The following DLG2 variants were observed in gnomAD, a reference collection of about 807,000 sequenced individuals.
The protein encoded by DLG2 is discs large MAGUK scaffold protein 2.
A neutral mutation model predicts 132.5 loss-of-function variants in DLG2; 45 were observed. That is an observed-to-expected ratio of 0.34 (90% CI 0.27 to 0.44). The LOEUF is 0.44. Among genes scored for constraint, DLG2 ranks in the 20% least tolerant of loss-of-function variants. DLG2 has a pLI of 1.00. For synonymous variants in DLG2, 424 were observed against 419.6 expected (o/e 1.01, Z -0.13); for missense variants, 1,045 against 1,196.9 (o/e 0.87, Z 1.87).
intron 21 of DLG2, among the ~76,000 whole-genome samples, chr11:83,507,790 A>G (rs1055257316): frequency 3.8e-5 from 4 of 105,196 alleles, no homozygotes; most frequent in East Asian, 2.6e-4. Context: ...ATATATATAT[A>G]TATATATATG....
At chr11:84,543,636 C>T (rs1053407051) in intron 6 of DLG2, among the ~76,000 whole-genome samples, 2 of 152,088 alleles carry the variant, frequency 1.3e-5, no homozygotes, top group Admixed American at 1.3e-4. Flanking sequence ...TAAGTAAGTA[C>T]TTTGCAGCCA....
intron 15 of DLG2, among the ~76,000 whole-genome samples, chr11:83,893,484 T>A (rs544988075): frequency 6.6e-6 from 1 of 152,210 alleles, no homozygotes; most frequent in African/African-American, 2.4e-5. Context: ...TCTGCATTCA[T>A]TGATTGCTTT....
At position 84,288,637 on chromosome 11, in the gene DLG2, A is replaced by T. The variant is rs540973887; in HGVS notation, c.520-37346T>A. On this transcript the variant is annotated intron_variant, in intron 7 of 27. Coordinates refer to ENST00000376104, the MANE Select transcript of DLG2 (RefSeq NM_001142699.3). The stretch of plus-strand genomic sequence containing the variant: ...ATGAGATCTAGGTCTATTCACCCCC[A>T]AATGAAATTGCATAGAGAATGCTAA... 2.9e-4 allele frequency among the ~76,000 whole-genome samples: 44 copies of T among 152,236 alleles called. No individual in the cohort carries two copies. The South Asian group carries it at 8.5e-3, about 29-fold the overall frequency.
intron 12 of DLG2, among the ~76,000 whole-genome samples, chr11:83,979,714 C>A (rs1237839642): frequency 6.6e-6 from 1 of 152,090 alleles, no homozygotes; most frequent in African/African-American, 2.4e-5. Context: ...ACACATGTAG[C>A]AGAACTCAGA....
chr11:84,221,186 T>C (rs2096910985), intron 8 of DLG2, among the ~76,000 whole-genome samples: 1 of 151,816 alleles, frequency 6.6e-6, no homozygotes, highest in Non-Finnish European at 1.5e-5. Flanking sequence ...AAATTTAATG[T>C]TAGGCTGGGC....
At chr11:83,835,584 T>C (rs1356450000) in intron 16 of DLG2, among the ~76,000 whole-genome samples, 1 of 152,090 alleles carries the variant, frequency 6.6e-6, no homozygotes, top group Non-Finnish European at 1.5e-5. Context: ...CTGAACTGAG[T>C]GAATGAGGAA....
At chr11:83,795,324 C>A (rs914895350) in intron 17 of DLG2, among the ~76,000 whole-genome samples, 1 of 151,988 alleles carries the variant, frequency 6.6e-6, no homozygotes, top group Non-Finnish European at 1.5e-5. Flanking sequence ...AGGAGAATGG[C>A]GTGAACATGG....
chr11:84,073,205 T>G (rs943491681), intron 10 of DLG2, among the ~76,000 whole-genome samples: 1 of 152,154 alleles, frequency 6.6e-6, no homozygotes, highest in African/African-American at 2.4e-5. Context: ...CCACACCTTT[T>G]CCTCATCCTT....
At chr11:83,504,966 C>T (rs2094617675) in intron 21 of DLG2, among the ~76,000 whole-genome samples, 1 of 119,770 alleles carries the variant, frequency 8.3e-6, no homozygotes, top group Non-Finnish European at 1.9e-5. Context: ...CCAGTGAATT[C>T]CATGAGCAGC....
intron 19 of DLG2, among the ~76,000 whole-genome samples, chr11:83,588,507 G>C (rs1385131630): frequency 3.9e-5 from 6 of 152,104 alleles, no homozygotes; most frequent in Non-Finnish European, 7.3e-5. Context: ...CATCATCAAA[G>C]ACCAAAAGTA....
At chr11:84,439,851 CA>C (rs1306814085) in intron 7 of DLG2, among the ~76,000 whole-genome samples, 1 of 152,170 alleles carries the variant, frequency 6.6e-6, no homozygotes, top group African/African-American at 2.4e-5. Context: ...TTGTTTTTAA[CA>C]CCTTAGACAG....
intron 4 of DLG2, among the ~76,000 whole-genome samples, chr11:85,200,513 C>T (rs957299348): frequency 2.2e-4 from 33 of 152,158 alleles, no homozygotes; most frequent in African/African-American, 8.0e-4. Flanking sequence ...GTTCCCAAGG[C>T]GGCCCAGTCT....
chr11:85,379,746 G>C (rs7932654), intron 3 of DLG2, among the ~76,000 whole-genome samples: 9,120 of 152,248 alleles, frequency 0.06, 317 homozygotes, highest in African/African-American at 0.093. Flanking sequence ...TATAGAGATT[G>C]CAACGATACT....
intron 3 of DLG2, among the ~76,000 whole-genome samples, chr11:85,387,607 A>G (rs944663933): frequency 1.3e-5 from 2 of 152,336 alleles, no homozygotes; most frequent in South Asian, 4.1e-4. Context: ...TACAGCTGTC[A>G]GTAAGTCAAA....
chr11:85,489,632 G>A (rs1219148348), intron 3 of DLG2, among the ~76,000 whole-genome samples: 2 of 152,258 alleles, frequency 1.3e-5, no homozygotes, highest in Non-Finnish European at 2.9e-5. Flanking sequence ...GGTTCTCTAA[G>A]ATGAACCATA....
At chr11:84,726,664 T>G (rs2062503792) in intron 6 of DLG2, among the ~76,000 whole-genome samples, 2 of 152,172 alleles carry the variant, frequency 1.3e-5, no homozygotes, top group South Asian at 4.1e-4. Flanking sequence ...GTATTTCTGG[T>G]TCTAGATCCT....
At chr11:84,112,014 T>TC (rs1468383826) in intron 9 of DLG2, among the ~76,000 whole-genome samples, 1 of 152,064 alleles carries the variant, frequency 6.6e-6, no homozygotes, top group East Asian at 1.9e-4. Context: ...CACTTTTTTT[T>TC]CCCTTTTTCC....
At chr11:85,321,896 T>G (rs1161960279) in intron 3 of DLG2, among the ~76,000 whole-genome samples, 1 of 151,950 alleles carries the variant, frequency 6.6e-6, no homozygotes, top group Non-Finnish European at 1.5e-5. Context: ...GTGTATAAAT[T>G]TGTTGAGTCT....
chr11:84,803,037 G>A (rs1027202273), intron 6 of DLG2, among the ~76,000 whole-genome samples: 5 of 152,116 alleles, frequency 3.3e-5, no homozygotes, highest in African/African-American at 1.2e-4. Context: ...TGACCCTCGT[G>A]ATCTGCCCGC....
Sources: gnomAD v4.1 joint callset for allele counts (sites outside exome capture counted in the v4.1 genomes callset) on GRCh38, gnomAD v4.1.1 for gene constraint, MANE v1.5 for transcripts, NCBI Gene and HGNC (gene_info 2026-07-23, HGNC 2026-07-21) for gene names.